AGAP1: variants seen among roughly 807,000 people sequenced by gnomAD.
AGAP1 encodes the protein ArfGAP with GTPase domain, ankyrin repeat and PH domain 1, also known as arf-GAP with GTPase, ANK repeat and PH domain-containing protein 1.
A neutral mutation model predicts 105.3 loss-of-function variants in AGAP1; 29 were observed. That is an observed-to-expected ratio of 0.28 (90% CI 0.21 to 0.38). The LOEUF is 0.38. AGAP1 is among the 10% of genes least tolerant of loss of function. The probability of loss-of-function intolerance (pLI) is 1.00; values close to 1 mark genes in which losing one functional copy is unlikely to be tolerated. For missense variants in AGAP1, 998 were observed against 1,165.1 expected (o/e 0.86, Z 2.09); for synonymous variants, 509 against 485.9 (o/e 1.05, Z -0.63).
chr2:235,754,394 G>A lies in AGAP1; in HGVS notation c.673+3906G>A, dbSNP rs1007417795. On this transcript the variant is annotated intron_variant, in intron 6 of 17. Coordinates refer to ENST00000304032, the MANE Select transcript of AGAP1 (RefSeq NM_001037131.3). This position sits in a 1 kb window ranked among gnomAD's most constrained non-coding sequence, Gnocchi z 4.6. The stretch of plus-strand genomic sequence containing the variant: ...TAGAAAGAAAACATAAAGGAAAAGC[G>A]TGTAATTTCTACATAATGTTTGGCT... Among the ~76,000 whole-genome samples, 8 of 151,410 alleles carry A rather than the reference G, an allele frequency of 5.3e-5. No homozygotes were observed. The highest frequency in any genetic ancestry group is 3.4e-3 in the Middle Eastern group (1 of 294).
chr2:235,513,280 G>A (rs1305672522), intron 1 of AGAP1, among the ~76,000 whole-genome samples: 1 of 151,884 alleles, frequency 6.6e-6, no homozygotes, highest in Admixed American at 6.5e-5. Context: ...CAACACTTTG[G>A]GAGGCTGAGG....
chr2:235,932,586 C>G (rs1001558542), intron 12 of AGAP1, among the ~76,000 whole-genome samples: 4 of 152,216 alleles, frequency 2.6e-5, no homozygotes, highest in African/African-American at 9.6e-5. Context: ...GTGACACGGA[C>G]AAGGCCTTGC....
intron 1 of AGAP1, among the ~76,000 whole-genome samples, chr2:235,694,711 G>C (rs1416117858): frequency 2.6e-5 from 4 of 152,004 alleles, no homozygotes; most frequent in Non-Finnish European, 4.4e-5. Flanking sequence ...GCTCCTCCTC[G>C]TCTTGCTCAG....
chr2:236,111,203 C>G (rs2059629433), intron 16 of AGAP1, among the ~76,000 whole-genome samples: 1 of 152,178 alleles, frequency 6.6e-6, no homozygotes, highest in South Asian at 2.1e-4. Flanking sequence ...GGAAGGCACC[C>G]TCACTGCAGT....
chr2:235,891,725 C>T lies in AGAP1; in HGVS notation c.1155+8276C>T, dbSNP rs1413301413. 1.3e-5 allele frequency among the ~76,000 whole-genome samples: 2 copies of T among 152,158 alleles called. No homozygotes were observed. Among genetic ancestry groups the T allele is most frequent in the African/African-American group, 4.8e-5 (2 of 41,448 alleles). ...CGGTCAAGCCAAGGACTTCAAGGTG[C>T]CCCTGTCTAGGAAAGCTCACCAGTG... is the stretch of plus-strand genomic sequence containing the variant. On this transcript the variant is annotated intron_variant, in intron 10 of 17. Transcript: ENST00000304032. This position sits in a 1 kb window ranked among gnomAD's most constrained non-coding sequence, Gnocchi z 4.2.
intron 1 of AGAP1, among the ~76,000 whole-genome samples, chr2:235,587,963 C>T (rs1430124588): frequency 6.6e-6 from 1 of 152,104 alleles, no homozygotes; most frequent in Non-Finnish European, 1.5e-5. Flanking sequence ...GGTGTGGTGG[C>T]TCACGCCTGT....
chr2:235,689,811 C>T lies in AGAP1; in HGVS notation c.164-19368C>T, dbSNP rs928560049. On this transcript the variant is annotated intron_variant, in intron 1 of 17. Coordinates refer to ENST00000304032, the MANE Select transcript of AGAP1 (RefSeq NM_001037131.3). The surrounding 1 kb of genome is among the most constrained non-coding windows in gnomAD (Gnocchi z 4.2). ...CTCGTGCCTGCAGAGACTCTGCCAG[C>T]AGGGCTGAGGCTGCTGCCAGGAGAG... Among the ~76,000 whole-genome samples, 10 of 152,248 alleles carry T rather than the reference C, an allele frequency of 6.6e-5. No homozygotes were observed. Among genetic ancestry groups the T allele is most frequent in the African/African-American group, 2.4e-4 (10 of 41,470 alleles).
At chr2:235,892,828 G>C (rs116783136) in intron 10 of AGAP1, among the ~76,000 whole-genome samples, 13 of 152,258 alleles carry the variant, frequency 8.5e-5, no homozygotes, top group Non-Finnish European at 1.3e-4. Context: ...GGTTTCCCCA[G>C]AACATTGAAA....
At position 236,121,350 on chromosome 2, in the gene AGAP1, G is replaced by T. The variant is rs1337226620; in HGVS notation, c.2370+903G>T. On this transcript the variant is annotated intron_variant, in intron 17 of 17. Transcript: ENST00000304032. The surrounding 1 kb of genome is among the most constrained non-coding windows in gnomAD (Gnocchi z 4.9). ...GAGTCTCGCTCTGTCACCCAGGCTG[G>T]AGTGCAGTGGTGCGATCTCAGCTCA... 1.3e-5 allele frequency among the ~76,000 whole-genome samples: 2 copies of T among 152,170 alleles called. No individual in the cohort carries two copies. Among genetic ancestry groups the T allele is most frequent in the Admixed American group, 1.3e-4 (2 of 15,278 alleles).
rs145991084 is a variant in AGAP1, at chr2:236,062,436, T to TTTGTTG, written c.2114+13176_2114+13181dup. Among the ~76,000 whole-genome samples the TTTGTTG allele has an allele frequency of 4.4e-3, 662 of 151,012 alleles. 5 individuals carry two copies. Among genetic ancestry groups the TTTGTTG allele is most frequent in the African/African-American group, 0.014 (553 of 40,936 alleles). ...CTAGGAGCATACTCAGGACTCGTAT[T>TTTGTTG]TTGTTGTTGTTGTTGTTGTTGTTGT... On this transcript the variant is annotated intron_variant, in intron 16 of 17. Transcript: ENST00000304032. This position sits in a 1 kb window ranked among gnomAD's most constrained non-coding sequence, Gnocchi z 4.2.
rs141734557 is a variant in AGAP1, at chr2:235,893,971, A to AACACAC, written c.1155+10533_1155+10538dup. On this transcript the variant is annotated intron_variant, in intron 10 of 17. Coordinates refer to ENST00000304032, the MANE Select transcript of AGAP1 (RefSeq NM_001037131.3). The surrounding 1 kb of genome is among the most constrained non-coding windows in gnomAD (Gnocchi z 4.7). ...CCCTAAACTGACATAGGGTTGGGTG[A>AACACAC]ACACACACACACACACGTAATCACT... 1.3e-5 allele frequency among the ~76,000 whole-genome samples: 2 copies of AACACAC among 151,344 alleles called. No individual in the cohort carries two copies. The highest frequency in any genetic ancestry group is 2.4e-5 in the African/African-American group (1 of 41,262).
intron 9 of AGAP1, among the ~76,000 whole-genome samples, chr2:235,869,765 A>G (rs755800659): frequency 1.2e-4 from 18 of 152,352 alleles, no homozygotes; most frequent in Admixed American, 2.0e-4. Flanking sequence ...TGCCTCAGCA[A>G]AAGTGGCACA....
At chr2:236,047,538 A>G (rs2057757854) in intron 15 of AGAP1, among the ~76,000 whole-genome samples, 1 of 145,166 alleles carries the variant, frequency 6.9e-6, no homozygotes. Context: ...CATTTGATGC[A>G]TAGGTTTCCC....
rs957281254 is a variant in AGAP1 at position 235,874,536 on chromosome 2, A to C, written c.1051-8809A>C. ...CACCTAGGCAGAGCAACCGAAGTGC[A>C]CTTTGCAGGGAGCTAAGAGGCTCGG... is the stretch of plus-strand genomic sequence containing the variant. On this transcript the variant is annotated intron_variant, in intron 9 of 17. Transcript: ENST00000304032. The surrounding 1 kb of genome is among the most constrained non-coding windows in gnomAD (Gnocchi z 4.5). Among the ~76,000 whole-genome samples, 1 of 152,204 alleles carries C rather than the reference A, an allele frequency of 6.6e-6. No homozygotes were observed. Among genetic ancestry groups the C allele is most frequent in the Non-Finnish European group, 1.5e-5 (1 of 68,032 alleles).
At chr2:235,497,525 C>T (rs934182933) in intron 1 of AGAP1, among the ~76,000 whole-genome samples, 2 of 152,226 alleles carry the variant, frequency 1.3e-5, no homozygotes, top group Admixed American at 6.5e-5. Context: ...GGGATTTTTT[C>T]CCCTTCCTCT....
Position 235,690,254 on chromosome 2 carries a change from G to C in AGAP1, c.164-18925G>C, listed in dbSNP as rs549329729. 1.3e-5 allele frequency among the ~76,000 whole-genome samples: 2 copies of C among 152,098 alleles called. No individual in the cohort carries two copies. Among genetic ancestry groups the C allele is most frequent in the South Asian group, 4.2e-4 (2 of 4,796 alleles). On this transcript the variant is annotated intron_variant, in intron 1 of 17. Coordinates refer to ENST00000304032, the MANE Select transcript of AGAP1 (RefSeq NM_001037131.3). This position sits in a 1 kb window ranked among gnomAD's most constrained non-coding sequence, Gnocchi z 4.1. ...CAGTCTTAAACAACCCTGGAATGTT[G>C]AGCTAAAAGGGACTCTGACCCTCCC...
chr2:235,614,529 GC>G lies in AGAP1; in HGVS notation c.164-94647del, dbSNP rs1405340153. 6.6e-6 allele frequency among the ~76,000 whole-genome samples: 1 copy of G among 152,194 alleles called. No individual in the cohort carries two copies. The highest frequency in any genetic ancestry group is 2.4e-5 in the African/African-American group (1 of 41,448). The stretch of plus-strand genomic sequence containing the variant: ...CGAGGGGTGGGGGCTTTGCTCTTTA[GC>G]CCGTGAGCAGTGGAAAGTCATTGAA... On this transcript the variant is annotated intron_variant, in intron 1 of 17. Transcript: ENST00000304032. This position sits in a 1 kb window ranked among gnomAD's most constrained non-coding sequence, Gnocchi z 4.7.
intron 1 of AGAP1, among the ~76,000 whole-genome samples, chr2:235,706,143 C>T (rs1341617493): frequency 6.6e-6 from 1 of 152,200 alleles, no homozygotes; most frequent in Non-Finnish European, 1.5e-5. Flanking sequence ...AAATCAGCAC[C>T]TGTTAAGTTG....
At chr2:235,587,494 G>A (rs1255933413) in intron 1 of AGAP1, among the ~76,000 whole-genome samples, 1 of 152,156 alleles carries the variant, frequency 6.6e-6, no homozygotes, top group African/African-American at 2.4e-5. Context: ...GCTCATGCCT[G>A]TAATTCCAGA....
Sources: allele counts gnomAD v4.1 joint callset (sites outside exome capture counted in the v4.1 genomes callset), GRCh38; gene constraint gnomAD v4.1.1; non-coding constraint Gnocchi (gnomAD v3.1); transcripts MANE v1.5; gene names NCBI Gene and HGNC (gene_info 2026-07-23, HGNC 2026-07-21).